Variants in WWOX observed in about 807,000 individuals in gnomAD.
WWOX encodes WW domain-containing oxidoreductase.
Under a neutral mutation model 46.2 loss-of-function variants are expected in WWOX, and 69 were observed. That is an observed-to-expected ratio of 1.49 (90% confidence interval 1.23 to 1.82). The LOEUF (loss-of-function observed/expected upper bound fraction) is 1.82. WWOX is among the 40% of genes most tolerant of loss of function. The pLI, the probability that WWOX is intolerant of heterozygous loss-of-function variation, is 0.00. For synonymous variants in WWOX, 359 were observed against 202.6 expected (o/e 1.77, Z -6.56); for missense variants, 919 against 542.6 (o/e 1.69, Z -6.89).
At chr16:78,212,717 G>C (rs1250109659) in intron 5 of WWOX, among the ~76,000 whole-genome samples, 1 of 152,190 alleles carries the variant, frequency 6.6e-6, no homozygotes, top group Non-Finnish European at 1.5e-5. Flanking sequence ...GGCCTGCCTG[G>C]TCTGCCCTTG....
At chr16:78,654,454 G>A (rs1386528387) in intron 8 of WWOX, among the ~76,000 whole-genome samples, 1 of 152,190 alleles carries the variant, frequency 6.6e-6, no homozygotes, top group African/African-American at 2.4e-5. Flanking sequence ...GAACAAAACA[G>A]ATGTTATCTC....
chr16:78,381,015 C>T (rs1286436692), intron 5 of WWOX, among the ~76,000 whole-genome samples: 1 of 152,138 alleles, frequency 6.6e-6, no homozygotes, highest in Non-Finnish European at 1.5e-5. Context: ...ATAATTAAGG[C>T]AATTGAAGCC....
intron 8 of WWOX, among the ~76,000 whole-genome samples, chr16:79,045,537 T>A (rs547829438): frequency 1.3e-5 from 2 of 152,280 alleles, no homozygotes; most frequent in South Asian, 4.1e-4. Flanking sequence ...TCTCCATTCC[T>A]AGTCTCATTT....
At chr16:78,319,839 A>G (rs989134678) in intron 5 of WWOX, among the ~76,000 whole-genome samples, 1 of 151,924 alleles carries the variant, frequency 6.6e-6, no homozygotes, top group Non-Finnish European at 1.5e-5. Context: ...AGGAAGCAAA[A>G]CTTTTACTCT....
At chr16:78,823,890 C>G (rs763797205) in intron 8 of WWOX, among the ~76,000 whole-genome samples, 8 of 151,970 alleles carry the variant, frequency 5.3e-5, no homozygotes, top group Non-Finnish European at 1.0e-4. Flanking sequence ...ATCCTGCCAC[C>G]TCAGCCTCCC....
chr16:78,833,696 T>C (rs2051895333), intron 8 of WWOX, among the ~76,000 whole-genome samples: 1 of 152,224 alleles, frequency 6.6e-6, no homozygotes, highest in East Asian at 1.9e-4. Flanking sequence ...TTCACAGCAG[T>C]TGATTGAATG....
chr16:78,947,388 G>A (rs1428461141), intron 8 of WWOX, among the ~76,000 whole-genome samples: 2 of 152,062 alleles, frequency 1.3e-5, no homozygotes, highest in East Asian at 1.9e-4. Flanking sequence ...CCCCTTAGCT[G>A]TATCCCTGCA....
rs369003064 is a variant in WWOX at position 78,718,067 on chromosome 16, G to C, written c.1056+285315G>C. On this transcript the variant is annotated intron_variant, in intron 8 of 8. Transcript: ENST00000566780. ...CAAACGTTATTTGCTTTATGGAAGG[G>C]GATTTCAAACAAGGGGTTCTGGTGG... 1.5e-3 allele frequency among the ~76,000 whole-genome samples: 117 copies of C among 79,380 alleles called. 2 individuals are homozygous for C. Among genetic ancestry groups the C allele is most frequent in the African/African-American group, 6.4e-3 (102 of 16,000 alleles). The allele number at this position is 79,380 out of a possible 152,430, so 52.1% of individuals were successfully genotyped here.
chr16:78,492,184 T>C (rs573664057), intron 8 of WWOX, among the ~76,000 whole-genome samples: 5 of 152,224 alleles, frequency 3.3e-5, no homozygotes, highest in Non-Finnish European at 5.9e-5. Context: ...ATAGTTCCAT[T>C]AGGTGACAGT....
At chr16:78,365,702 C>T (rs182015386) in intron 5 of WWOX, among the ~76,000 whole-genome samples, 11 of 152,136 alleles carry the variant, frequency 7.2e-5, no homozygotes, top group African/African-American at 2.7e-4. Flanking sequence ...GAAATAGCCT[C>T]ATTAGTAACT....
At chr16:78,722,121 C>G (rs907350701) in intron 8 of WWOX, among the ~76,000 whole-genome samples, 2 of 152,174 alleles carry the variant, frequency 1.3e-5, no homozygotes, top group Admixed American at 6.5e-5. Flanking sequence ...TCCTGACATT[C>G]CAGTCCCAAA....
Position 78,467,991 on chromosome 16 carries a change from G to A in WWOX, c.1056+35239G>A, listed in dbSNP as rs562572745. ...TTGACAAATGGGCAATCTTGGGGAT[G>A]GGGGGTTCCACTGGTATATTTTCTT... On this transcript the variant is annotated intron_variant, in intron 8 of 8. Transcript: ENST00000566780. Among the ~76,000 whole-genome samples, 18 of 152,222 alleles carry A rather than the reference G, an allele frequency of 1.2e-4. No homozygotes were observed. In the South Asian group the frequency reaches 3.7e-3, roughly 32 times the overall value.
chr16:78,388,777 C>T (rs184077197), intron 6 of WWOX, among the ~76,000 whole-genome samples: 185 of 151,720 alleles, frequency 1.2e-3, no homozygotes, highest in African/African-American at 4.2e-3. Flanking sequence ...CGAGACCAGC[C>T]TGGGCAACAA....
At chr16:78,383,486 C>G (rs2081997976) in intron 5 of WWOX, among the ~76,000 whole-genome samples, 1 of 152,130 alleles carries the variant, frequency 6.6e-6, no homozygotes, top group Admixed American at 6.6e-5. Flanking sequence ...GAAATCTCAC[C>G]TTGGCAGATC....
intron 5 of WWOX, among the ~76,000 whole-genome samples, chr16:78,267,435 G>A (rs77778477): frequency 0.042 from 6,408 of 152,212 alleles, 202 homozygotes; most frequent in African/African-American, 0.085. Context: ...ATTTTATTTT[G>A]TAGTCTATTA....
At chr16:78,430,854 C>T (rs1025870840) in intron 7 of WWOX, among the ~76,000 whole-genome samples, 1 of 152,156 alleles carries the variant, frequency 6.6e-6, no homozygotes, top group African/African-American at 2.4e-5. Flanking sequence ...ACATGAATTT[C>T]ATTCTGCCCT....
At chr16:78,414,132 G>A (rs1597195439) in intron 6 of WWOX, among the ~76,000 whole-genome samples, 1 of 151,318 alleles carries the variant, frequency 6.6e-6, no homozygotes, top group Admixed American at 6.6e-5. Context: ...AGCACCTTGT[G>A]ACCCCCGCCC....
intron 8 of WWOX, among the ~76,000 whole-genome samples, chr16:79,135,878 C>T (rs1156955346): frequency 1.3e-5 from 2 of 152,056 alleles, no homozygotes; most frequent in African/African-American, 4.8e-5. Context: ...ACTGCCTTTC[C>T]ATATTCTCGG....
In WWOX at chr16:78,101,000, C is replaced by CT. The variant is rs1225142418; in HGVS notation, c.107+1122dup. On this transcript the variant is annotated intron_variant, in intron 1 of 8. Transcript: ENST00000566780. ...AATCTGATTTTCAGCATCTGGGAAA[C>CT]TTTTTTTGTAAGAGCCTTTTTCTGG... is the stretch of plus-strand genomic sequence containing the variant. 3.3e-5 allele frequency among the ~76,000 whole-genome samples: 5 copies of CT among 151,680 alleles called. No individual in the cohort carries two copies. The East Asian group carries it at 9.7e-4, about 29-fold the overall frequency.
Sources: gnomAD v4.1 joint callset for allele counts (sites outside exome capture counted in the v4.1 genomes callset) on GRCh38, gnomAD v4.1.1 for gene constraint, MANE v1.5 for transcripts, NCBI Gene and HGNC (gene_info 2026-07-23, HGNC 2026-07-21) for gene names.